Variants in ABCB1 observed in about 807,000 individuals in gnomAD.
ABCB1 encodes the protein ATP-dependent translocase ABCB1.
ABCB1 carries 69 observed loss-of-function variants against 142.0 expected under a neutral mutation model. The ratio of observed to expected loss-of-function variants is 0.49; its 90% confidence interval spans 0.40 to 0.59. The LOEUF (loss-of-function observed/expected upper bound fraction) is 0.59. Among genes scored for constraint, ABCB1 ranks in the 20% least tolerant of loss-of-function variants. The pLI is 0.00. For synonymous variants in ABCB1, 532 were observed against 539.2 expected, an observed-to-expected ratio of 0.99 and a Z score of 0.18; for missense variants, 1,326 against 1,554.7, an observed-to-expected ratio of 0.85 and a Z score of 2.47.
At chr7:87,511,458 T>C (rs1342612858) in intron 25 of ABCB1, among the ~76,000 whole-genome samples, 1 of 152,222 alleles carries the variant, frequency 6.6e-6, no homozygotes, top group Non-Finnish European at 1.5e-5. Context: ...AATGTAAATG[T>C]TAAATGTGTA....
rs758586352 is a variant in ABCB1 at position 87,550,856 on chromosome 7, A to C, written c.1000-18T>G. 2 of 1,503,936 alleles carry C rather than the reference A, an allele frequency of 1.3e-6. No homozygotes were observed. Among genetic ancestry groups the C allele is most frequent in the Non-Finnish European group, 1.9e-6 (2 of 1,079,762 alleles). The allele number at this position is 1,503,936 out of a possible 1,614,324, so 93.2% of individuals were successfully genotyped here. ...AAGAATACCTGAGGAATGTGAAGAAAAACCATCAGGCTACTGAGATAGTGA... is the reference window on the plus strand; with the variant it reads ...AAGAATACCTGAGGAATGTGAAGAACAACCATCAGGCTACTGAGATAGTGA... On this transcript the variant is annotated intron_variant, in intron 9 of 27. Transcript: ENST00000622132.
At chr7:87,541,907 A>C (rs1816556852) in intron 17 of ABCB1, among the ~76,000 whole-genome samples, 1 of 152,200 alleles carries the variant, frequency 6.6e-6, no homozygotes, top group African/African-American at 2.4e-5. Context: ...CAGGCCTTTC[A>C]AAAAGAAAGG....
chr7:87,540,336 C>G (rs976508633), intron 18 of ABCB1, among the ~76,000 whole-genome samples: 10 of 152,172 alleles, frequency 6.6e-5, no homozygotes, highest in African/African-American at 2.2e-4. Context: ...GAAACAGAGG[C>G]TTAGACAGTT....
chr7:87,544,787 GTGAGA>G, intron 16 of ABCB1, 31 bp downstream of exon 16: 1 of 1,610,858 alleles, frequency 6.2e-7, no homozygotes, highest in Non-Finnish European at 8.5e-7. Context: ...ACCACAGTTA[GTGAGA>G]TTAAAACAAA....
chr7:87,507,417 A>T (rs1467825600), intron 26 of ABCB1, among the ~76,000 whole-genome samples: 1 of 152,170 alleles, frequency 6.6e-6, no homozygotes, highest in East Asian at 1.9e-4. Context: ...TGCAGTCCTA[A>T]CAGGTTCCCA....
At chr7:87,599,116 TGAAAAGC>T (rs1819331265) in intron 2 of ABCB1, among the ~76,000 whole-genome samples, 2 of 152,200 alleles carry the variant, frequency 1.3e-5, no homozygotes, top group African/African-American at 4.8e-5. Flanking sequence ...TCTCTTACAC[TGAAAAGC>T]TTGGTTTCTT....
chr7:87,595,957 T>C (rs538602178), intron 2 of ABCB1, 143 bp from the exon 3 acceptor site: 1 of 663,676 alleles, frequency 1.5e-6, no homozygotes, highest in East Asian at 2.7e-5. Flanking sequence ...AGGATGATAA[T>C]AGTATGACCC....
At position 87,648,303 on chromosome 7, in the gene ABCB1, C is replaced by G. The variant is rs376416411; in HGVS notation, c.-330-47225G>C. Among the ~76,000 whole-genome samples the G allele has an allele frequency of 4.6e-5, 7 of 151,924 alleles. No homozygotes were observed. The East Asian group carries it at 1.4e-3, about 29-fold the overall frequency. ...TGATCATGGGAATGTGCACATTTCT[C>G]CTGTTTAAGAGAATCTAGATATGCA... On this transcript the variant is annotated intron_variant, in intron 1 of 28. Coordinates refer to the ABCB1 transcript ENST00000265724.
intron 8 of ABCB1, among the ~76,000 whole-genome samples, chr7:87,556,610 T>C (rs1817322355): frequency 6.6e-6 from 1 of 152,204 alleles, no homozygotes; most frequent in South Asian, 2.1e-4. Context: ...CTGTCACCCC[T>C]CTCCTGCCTC....
At chr7:87,639,533 A>G (rs1170497941) in intron 1 of ABCB1, among the ~76,000 whole-genome samples, 2 of 151,900 alleles carry the variant, frequency 1.3e-5, no homozygotes, top group Admixed American at 6.6e-5. Flanking sequence ...TTCTCCTTTT[A>G]GTTTTGTGAT....
At chr7:87,690,977 AGG>A (rs748339346) in intron 1 of ABCB1, among the ~76,000 whole-genome samples, 2 of 152,154 alleles carry the variant, frequency 1.3e-5, no homozygotes, top group Non-Finnish European at 1.5e-5. Context: ...CAAAAGCTAA[AGG>A]TTTACTTTTT....
intron 1 of ABCB1, among the ~76,000 whole-genome samples, chr7:87,614,731 T>A (rs189864504): frequency 3.1e-4 from 47 of 152,354 alleles, no homozygotes; most frequent in African/African-American, 1.1e-3. Flanking sequence ...GTTTCCTGTC[T>A]CTCCTGCTAA....
At chr7:87,535,399 A>G (rs933414255) in intron 20 of ABCB1, among the ~76,000 whole-genome samples, 7 of 151,076 alleles carry the variant, frequency 4.6e-5, no homozygotes, top group Non-Finnish European at 4.4e-5. Context: ...CAGTGGTGCA[A>G]TCTCAGCTCT....
chr7:87,622,895 A>G (rs1295566812), intron 1 of ABCB1, among the ~76,000 whole-genome samples: 2 of 151,858 alleles, frequency 1.3e-5, no homozygotes, highest in Non-Finnish European at 2.9e-5. Context: ...AAAAAACACT[A>G]GGCAGCTGTG....
rs1443510277 is a variant in ABCB1 at position 87,660,391 on chromosome 7, CTAGT to C, written c.-331+52766_-331+52769del. Among the ~76,000 whole-genome samples the C allele has an allele frequency of 3.9e-5, 6 of 152,100 alleles. No homozygotes were observed. In the East Asian group the frequency reaches 1.2e-3, roughly 29 times the overall value. On this transcript the variant is annotated intron_variant, in intron 1 of 28. Transcript: ENST00000265724. ...CCATATACTCTCAATTTTTAAATCT[CTAGT>C]TAGTTGTAGTATTTCCTTTAATGTG...
intron 4 of ABCB1, among the ~76,000 whole-genome samples, chr7:87,581,941 C>T (rs879561415): frequency 6.6e-6 from 1 of 152,156 alleles, no homozygotes; most frequent in African/African-American, 2.4e-5. Context: ...TAGGCTGGTT[C>T]TCCCTCCACA....
At chr7:87,523,843 C>T (rs1468059024) in intron 21 of ABCB1, among the ~76,000 whole-genome samples, 2 of 152,020 alleles carry the variant, frequency 1.3e-5, no homozygotes, top group Non-Finnish European at 1.5e-5. Flanking sequence ...AAAATGAGGA[C>T]GATGGACTAG....
intron 1 of ABCB1, chr7:87,651,081 G>C (rs959069008): frequency 6.9e-6 from 4 of 581,712 alleles, no homozygotes; most frequent in African/African-American, 1.9e-5. Flanking sequence ...GTGTGACTAC[G>C]AAAGAGCCTC....
intron 4 of ABCB1, among the ~76,000 whole-genome samples, chr7:87,579,729 G>A (rs1394788244): frequency 1.3e-5 from 2 of 151,416 alleles, no homozygotes; most frequent in Admixed American, 6.6e-5. Context: ...TCCTTCTTTC[G>A]TTCTTTCTTG....
Sources: gnomAD v4.1 joint callset for allele counts (sites outside exome capture counted in the v4.1 genomes callset) on GRCh38, gnomAD v4.1.1 for gene constraint, MANE v1.5 for transcripts, NCBI Gene and HGNC (gene_info 2026-07-23, HGNC 2026-07-21) for gene names.